ETV1: variants seen among roughly 807,000 people sequenced by gnomAD.
ETV1 encodes ETS translocation variant 1.
A neutral mutation model predicts 62.3 loss-of-function variants in ETV1; 27 were observed. The observed-to-expected ratio is 0.43, with a 90% CI of 0.32 to 0.60. ETV1 has a LOEUF of 0.60. ETV1 is among the 20% of genes least tolerant of loss of function. The pLI is 0.06. For missense variants in ETV1, 605 were observed against 605.8 expected (o/e 1.00, Z 0.01); for synonymous variants, 222 against 199.6 (o/e 1.11, Z -0.94).
At chr7:13,941,199 G>A (rs922822659) in intron 6 of ETV1, among the ~76,000 whole-genome samples, 1 of 152,152 alleles carries the variant, frequency 6.6e-6, no homozygotes, top group Non-Finnish European at 1.5e-5. Context: ...ATGAGGACTT[G>A]AATTCTGATT....
intron 3 of ETV1, chr7:13,988,595 GA>G (rs34468165): frequency 0.2 from 157,522 of 799,298 alleles, 3,089 homozygotes; most frequent in African/African-American, 0.26. Context: ...GTAGAGAAAT[GA>G]AAAAAAAAAA....
At chr7:13,942,038 T>TG (rs1308255682) in intron 6 of ETV1, among the ~76,000 whole-genome samples, 5 of 110,882 alleles carry the variant, frequency 4.5e-5, no homozygotes, top group Non-Finnish European at 2.0e-5. Flanking sequence ...TTTTTTTTTT[T>TG]TTTGAGACGG....
intron 6 of ETV1, among the ~76,000 whole-genome samples, chr7:13,961,078 T>C (rs976014796): frequency 7.4e-6 from 1 of 135,630 alleles, no homozygotes; most frequent in Admixed American, 8.6e-5. Flanking sequence ...CGCGGGTGGT[T>C]GAGGCTGCAG....
intron 6 of ETV1, 89 bp from the exon 7 acceptor site, chr7:13,939,335 C>A (rs773179882): frequency 6.3e-5 from 71 of 1,124,464 alleles, no homozygotes; most frequent in Non-Finnish European, 8.1e-5. Flanking sequence ...TTAAAAAGGT[C>A]ATTCACATTT....
At chr7:13,979,497 C>T (rs563738962) in intron 5 of ETV1, among the ~76,000 whole-genome samples, 18 of 151,394 alleles carry the variant, frequency 1.2e-4, no homozygotes, top group South Asian at 2.1e-4. Context: ...AATTACAAGG[C>T]GAAGGGTGTG....
chr7:13,896,845 T>G (rs1781897494), intron 13 of ETV1, among the ~76,000 whole-genome samples: 1 of 152,016 alleles, frequency 6.6e-6, no homozygotes, highest in African/African-American at 2.4e-5. Context: ...GTATCCTGGG[T>G]ACATCACTTT....
intron 6 of ETV1, among the ~76,000 whole-genome samples, chr7:13,953,527 C>T (rs905017317): frequency 3.3e-5 from 5 of 152,204 alleles, no homozygotes; most frequent in Middle Eastern, 6.8e-3. Context: ...TGGAAGATCC[C>T]AGCACTTCCG....
intron 9 of ETV1, among the ~76,000 whole-genome samples, chr7:13,927,427 G>A (rs1785556106): frequency 6.6e-6 from 1 of 152,158 alleles, no homozygotes; most frequent in South Asian, 2.1e-4. Flanking sequence ...ACTCCAGCCT[G>A]GGCGACAGGA....
Position 13,894,612 on chromosome 7 carries a change from A to C in ETV1, c.*1254T>G, listed in dbSNP as rs1325445331. The C allele has an allele frequency of 4.3e-6, 1 of 232,598 alleles. No individual in the cohort carries two copies. The highest frequency in any genetic ancestry group is 5.6e-5 in the Admixed American group (1 of 17,764). 14.4% of individuals were successfully genotyped at this position (232,598 alleles called of 1,614,324 possible). On this transcript the variant is annotated 3_prime_UTR_variant, in exon 14 of 14. Transcript: ENST00000430479. ...AATGTGCATAAAAGCTGCTTATAGC[A>C]TAGCATGGCGTAAGCTATTTTTTAA...
intron 6 of ETV1, among the ~76,000 whole-genome samples, chr7:13,969,284 C>T (rs1343862178): frequency 3.3e-5 from 5 of 152,064 alleles, no homozygotes. Context: ...ATATATAATT[C>T]TAGCAAAGAT....
chr7:13,900,373 C>T (rs1422996871), intron 13 of ETV1: 1 of 175,920 alleles, frequency 5.7e-6, no homozygotes, highest in Non-Finnish European at 1.2e-5. Context: ...CAAATTTATT[C>T]TAAAGATTCT....
At chr7:13,901,565 G>A (rs925053153) in intron 12 of ETV1, among the ~76,000 whole-genome samples, 1 of 152,070 alleles carries the variant, frequency 6.6e-6, no homozygotes, top group African/African-American at 2.4e-5. Context: ...GTTTTACTGA[G>A]GTTATGATAA....
chr7:13,943,549 T>C (rs75553302), intron 6 of ETV1, among the ~76,000 whole-genome samples: 1,557 of 152,268 alleles, frequency 0.01, 30 homozygotes, highest in African/African-American at 0.035. Context: ...CATATGTTCA[T>C]GAAAAGACAT....
At chr7:13,952,663 G>C (rs1788969404) in intron 6 of ETV1, among the ~76,000 whole-genome samples, 1 of 152,070 alleles carries the variant, frequency 6.6e-6, no homozygotes, top group Non-Finnish European at 1.5e-5. Context: ...CTTTTCAGTA[G>C]GGGACCTCCC....
At chr7:13,961,754 T>C (rs2128483625) in intron 6 of ETV1, among the ~76,000 whole-genome samples, 1 of 152,304 alleles carries the variant, frequency 6.6e-6, no homozygotes, top group African/African-American at 2.4e-5. Context: ...TAGTAGGGTC[T>C]GTATTACAAG....
chr7:13,892,375 A>C lies in ETV1; in HGVS notation c.*3491T>G, dbSNP rs1244851359. On this transcript the variant is annotated 3_prime_UTR_variant, in exon 14 of 14. Transcript: ENST00000430479. Reference sequence around the variant, plus strand: ...GGAATAGTTGAAATTTAATATAGAAAGTTTTCAAAATTATTTATGCAGAAT... The same window carrying C: ...GGAATAGTTGAAATTTAATATAGAACGTTTTCAAAATTATTTATGCAGAAT... 1 of 232,508 alleles carries C rather than the reference A, an allele frequency of 4.3e-6. No homozygotes were observed. Among genetic ancestry groups the C allele is most frequent in the Non-Finnish European group, 8.5e-6 (1 of 117,696 alleles). The allele number at this position is 232,508 out of a possible 1,614,324, so 14.4% of individuals were successfully genotyped here. A position where few individuals can be genotyped will look rare whatever the true frequency, so the allele number is the denominator to read the frequency against.
At chr7:13,930,855 C>T (rs1035241797) in intron 9 of ETV1, among the ~76,000 whole-genome samples, 1 of 151,780 alleles carries the variant, frequency 6.6e-6, no homozygotes, top group Non-Finnish European at 1.5e-5. Context: ...GGCTGGAGTG[C>T]AGTGGTGCGA....
rs760654770 is a variant in ETV1 at position 13,986,687 on chromosome 7, TAA to T, written c.134-4_134-3del. 1.9e-6 allele frequency: 3 copies of T among 1,607,698 alleles called. No individual in the cohort carries two copies. The highest frequency in any genetic ancestry group is 2.5e-6 in the Non-Finnish European group (3 of 1,176,784). On this transcript the variant is annotated splice_polypyrimidine_tract_variant and splice_region_variant and intron_variant, in intron 4 of 13. Coordinates refer to ENST00000430479, the MANE Select transcript of ETV1 (RefSeq NM_004956.5). ...ATTGACTTAGATCTTGAAAGAGTTC[TAA>T]AAAACAAGTCAAAGACATAAACATA...
At position 13,930,608 on chromosome 7, in the gene ETV1, A is replaced by G. The variant is rs561979712; in HGVS notation, c.802+894T>C. 2.4e-3 allele frequency among the ~76,000 whole-genome samples: 368 copies of G among 152,200 alleles called. 3 individuals carry two copies. Among genetic ancestry groups the G allele is most frequent in the South Asian group, 6.8e-3 (33 of 4,824 alleles). Reference sequence around the variant, plus strand: ...AGTGCTGGGATTACAGGCGTGAGCCACCAGACTGGAAAAGATTTTAAACCC... The same window carrying G: ...AGTGCTGGGATTACAGGCGTGAGCCGCCAGACTGGAAAAGATTTTAAACCC... On this transcript the variant is annotated intron_variant, in intron 9 of 13. Transcript: ENST00000430479.
Sources: allele counts gnomAD v4.1 joint callset (sites outside exome capture counted in the v4.1 genomes callset), GRCh38; gene constraint gnomAD v4.1.1; transcripts MANE v1.5; gene names NCBI Gene and HGNC (gene_info 2026-07-23, HGNC 2026-07-21).